CCDC15: variants seen among roughly 807,000 people sequenced by gnomAD.
CCDC15 encodes the protein coiled-coil domain-containing protein 15.
A neutral mutation model predicts 114.5 loss-of-function variants in CCDC15; 105 were observed. That is an observed-to-expected ratio of 0.92 (90% CI 0.78 to 1.08). The LOEUF is 1.08. Ranked by LOEUF, CCDC15 falls within the 50% of genes least tolerant of loss-of-function variation. The pLI, the probability that CCDC15 is intolerant of heterozygous loss-of-function variation, is 0.00. For missense variants in CCDC15, 1,105 were observed against 1,093.6 expected (o/e 1.01, Z -0.15); for synonymous variants, 334 against 377.8 (o/e 0.88, Z 1.34).
chr11:125,040,670 A>T lies in CCDC15; in HGVS notation c.2815A>T (p.Asn939Tyr). The part of the protein sequence containing the change: ...GNSTLRVAIH[N>Y]FASAHRRTLK... ...TTCAACTCTTCGAGTCGCAATTCAT[A>T]ATTTTGCTTCTGCACACAGGCGGAC... is the stretch of plus-strand genomic sequence containing the variant. Residue 939 changes from asparagine (N) to tyrosine (Y), a missense_variant, in exon 16 of 16, where the codon AAT becomes TAT. By Grantham distance (143) the Asn-to-Tyr change is moderately radical. Coordinates refer to ENST00000344762, the MANE Select transcript of CCDC15 (RefSeq NM_025004.3). 6.2e-7 allele frequency: 1 copy of T among 1,612,432 alleles called. No individual in the cohort carries two copies. The highest frequency in any genetic ancestry group is 1.3e-5 in the African/African-American group (1 of 75,040).
At chr11:125,025,088 AT>A (rs1468564478) in intron 13 of CCDC15, among the ~76,000 whole-genome samples, 1 of 77,598 alleles carries the variant, frequency 1.3e-5, no homozygotes, top group Admixed American at 1.2e-4. Context: ...ATATATGAAT[AT>A]ATATATGAAT....
intron 13 of CCDC15, among the ~76,000 whole-genome samples, chr11:125,021,089 CT>C (rs1948657915): frequency 6.6e-6 from 1 of 151,640 alleles, no homozygotes; most frequent in Admixed American, 6.6e-5. Context: ...ATAAAATCGC[CT>C]GGGGGGAAGG....
At chr11:125,024,257 C>G (rs765176098) in intron 13 of CCDC15, among the ~76,000 whole-genome samples, 1 of 151,994 alleles carries the variant, frequency 6.6e-6, no homozygotes, top group Non-Finnish European at 1.5e-5. Context: ...ATCAGATAGT[C>G]TTAACCCTCC....
At chr11:124,997,892 A>T (rs1206272180) in intron 11 of CCDC15, among the ~76,000 whole-genome samples, 1 of 152,176 alleles carries the variant, frequency 6.6e-6, no homozygotes. Context: ...CAGTGAGCCG[A>T]GATCGCACCA....
At chr11:124,975,293 G>A in intron 5 of CCDC15, 84 bp downstream of exon 5, 1 of 800,796 alleles carries the variant, frequency 1.2e-6, no homozygotes, top group Non-Finnish European at 1.8e-6. Context: ...GCATAATTTA[G>A]AACTGTAAAA....
intron 8 of CCDC15, among the ~76,000 whole-genome samples, chr11:124,989,532 A>G (rs560562545): frequency 1.2e-4 from 18 of 152,332 alleles, no homozygotes; most frequent in African/African-American, 4.1e-4. Context: ...GAAGCCAGAC[A>G]TTGACTTTTT....
chr11:124,959,077 T>C, intron 2 of CCDC15, 38 bp from the exon 3 acceptor site: 1 of 1,466,862 alleles, frequency 6.8e-7, no homozygotes, highest in South Asian at 1.4e-5. Context: ...ACAAAACTGC[T>C]AACATTTAAG....
At chr11:125,022,872 A>G (rs1267557991) in intron 13 of CCDC15, among the ~76,000 whole-genome samples, 3 of 151,930 alleles carry the variant, frequency 2.0e-5, no homozygotes, top group Non-Finnish European at 2.9e-5. Flanking sequence ...TGAGTCAGTC[A>G]TATTTCTTAA....
At chr11:124,996,614 CATT>C (rs1278825175) in intron 11 of CCDC15, among the ~76,000 whole-genome samples, 1 of 152,202 alleles carries the variant, frequency 6.6e-6, no homozygotes, top group Non-Finnish European at 1.5e-5. Flanking sequence ...AGTACACTCA[CATT>C]GTTGTGCAAC....
intron 6 of CCDC15, among the ~76,000 whole-genome samples, chr11:124,980,747 G>T (rs2135469713): frequency 6.6e-6 from 1 of 152,200 alleles, no homozygotes; most frequent in Non-Finnish European, 1.5e-5. Context: ...TGTGTTTTCT[G>T]TTTCTCAGTT....
chr11:124,957,234 C>T (rs1452027744), intron 2 of CCDC15, among the ~76,000 whole-genome samples: 1 of 152,198 alleles, frequency 6.6e-6, no homozygotes, highest in Admixed American at 6.5e-5. Flanking sequence ...ATGTCTGAGA[C>T]ACCTTGACTA....
chr11:124,983,097 A>T (rs1368874329), intron 6 of CCDC15, among the ~76,000 whole-genome samples: 1 of 152,116 alleles, frequency 6.6e-6, no homozygotes, highest in Admixed American at 6.5e-5. Context: ...TATTAATACT[A>T]CTGCATTATG....
In CCDC15 at chr11:124,959,023, G is replaced by A. The variant is rs1947607530; in HGVS notation, c.178-92G>A. On this transcript the variant is annotated intron_variant, in intron 2 of 15. Transcript: ENST00000344762. ...GAATGGAATTATTTTTTTCAGGATT[G>A]TATCCTTATCCTGACTGTTTTGTGT... 7 of 753,966 alleles carry A rather than the reference G, an allele frequency of 9.3e-6. 1 individual carries two copies. In the South Asian group the frequency reaches 1.8e-4, roughly 20 times the overall value. 46.7% of individuals were successfully genotyped at this position (753,966 alleles called of 1,614,324 possible).
chr11:125,016,106 T>G (rs1290498038), intron 13 of CCDC15, among the ~76,000 whole-genome samples: 1 of 152,232 alleles, frequency 6.6e-6, no homozygotes. Context: ...CTCAAATATT[T>G]TATTACTAGT....
chr11:124,962,874 C>T (rs1056854753), intron 4 of CCDC15, among the ~76,000 whole-genome samples: 5 of 152,132 alleles, frequency 3.3e-5, no homozygotes, highest in African/African-American at 9.7e-5. Flanking sequence ...TGTTCAATTC[C>T]GACCTATGAG....
At chr11:125,025,839 C>T (rs1037078734) in intron 13 of CCDC15, among the ~76,000 whole-genome samples, 2 of 151,938 alleles carry the variant, frequency 1.3e-5, no homozygotes, top group African/African-American at 4.8e-5. Context: ...TAATTTATAT[C>T]CTTTATTCAT....
intron 13 of CCDC15, among the ~76,000 whole-genome samples, chr11:125,037,013 G>A (rs1948779929): frequency 6.6e-6 from 1 of 152,096 alleles, no homozygotes; most frequent in African/African-American, 2.4e-5. Flanking sequence ...CATATTTCCT[G>A]AGTAGTCTTG....
At position 124,959,906 on chromosome 11, in the gene CCDC15, C is replaced by T. The variant is rs779778840; in HGVS notation, c.419C>T (p.Ala140Val). ...GTTTTTCCAAACAATTTGAATGTTGCTATTGGAAGTTCTAGGTTACCTCCT... is the reference window on the plus strand; with the variant it reads ...GTTTTTCCAAACAATTTGAATGTTGTTATTGGAAGTTCTAGGTTACCTCCT... ...TSVFPNNLNV[A>V]IGSSRLPPSL... is the part of the protein sequence containing the mutation. Residue 140 changes from alanine (A) to valine (V), a missense_variant, in exon 4 of 16, where the codon GCT becomes GTT. Physicochemically the swap from Ala to Val is moderately conservative, Grantham distance 64. Transcript: ENST00000344762. 1.3e-6 allele frequency: 2 copies of T among 1,590,604 alleles called. No homozygotes were observed. The highest frequency in any genetic ancestry group is 4.5e-5 in the East Asian group (2 of 44,476).
chr11:124,977,374 A>C, intron 5 of CCDC15, 104 bp from the exon 6 acceptor site: 1 of 1,138,826 alleles, frequency 8.8e-7, no homozygotes, highest in South Asian at 1.9e-5. Context: ...AGACTACCAA[A>C]ACCTACTAAG....
Sources: gnomAD v4.1 joint callset for allele counts (sites outside exome capture counted in the v4.1 genomes callset) on GRCh38, gnomAD v4.1.1 for gene constraint, MANE v1.5 for transcripts, NCBI Gene and HGNC (gene_info 2026-07-23, HGNC 2026-07-21) for gene names.